Variants in LRRTM4 observed in about 807,000 individuals in gnomAD.
LRRTM4 encodes leucine-rich repeat transmembrane neuronal protein 4.
A neutral mutation model predicts 47.6 loss-of-function variants in LRRTM4; 25 were observed. That is an observed-to-expected ratio of 0.53 (90% CI 0.38 to 0.73). LRRTM4 has a LOEUF of 0.73. Among genes scored for constraint, LRRTM4 ranks in the 30% least tolerant of loss-of-function variants. The pLI is 0.00. For missense variants in LRRTM4, 638 were observed against 713.4 expected (o/e 0.89, Z 1.20); for synonymous variants, 311 against 269.5 (o/e 1.15, Z -1.51).
In LRRTM4 at chr2:77,046,931, G is replaced by A. The variant is rs573138901; in HGVS notation, c.1552-298015C>T. On this transcript the variant is annotated intron_variant, in intron 3 of 3. Coordinates refer to ENST00000409884, the MANE Select transcript of LRRTM4 (RefSeq NM_001134745.3). ...AAGCAGAAGCCTGATACTTAGAAATGCAACTGTTTTGATTGCTAACTTGTT... is the reference window on the plus strand; with the variant it reads ...AAGCAGAAGCCTGATACTTAGAAATACAACTGTTTTGATTGCTAACTTGTT... Among the ~76,000 whole-genome samples the A allele has an allele frequency of 5.3e-5, 8 of 152,134 alleles. No homozygotes were observed. The South Asian group carries it at 1.7e-3, about 32-fold the overall frequency.
chr2:77,307,000 C>T (rs1677295640), intron 3 of LRRTM4, among the ~76,000 whole-genome samples: 1 of 147,694 alleles, frequency 6.8e-6, no homozygotes, highest in African/African-American at 2.6e-5. Context: ...CCCGGGTTCA[C>T]ACCATTCTCC....
intron 3 of LRRTM4, among the ~76,000 whole-genome samples, chr2:77,418,372 A>T (rs1674730193): frequency 6.6e-6 from 1 of 152,216 alleles, no homozygotes; most frequent in Admixed American, 6.5e-5. Flanking sequence ...TGAGAAAAAT[A>T]ATATGTTTGT....
intron 3 of LRRTM4, among the ~76,000 whole-genome samples, chr2:76,923,339 A>C (rs2103813736): frequency 6.6e-6 from 1 of 152,148 alleles, no homozygotes; most frequent in South Asian, 2.1e-4. Context: ...ATTTGTAGAA[A>C]GTTTGTGAGC....
At chr2:77,276,592 T>C (rs913456590) in intron 3 of LRRTM4, among the ~76,000 whole-genome samples, 1 of 148,766 alleles carries the variant, frequency 6.7e-6, no homozygotes, top group Non-Finnish European at 1.5e-5. Flanking sequence ...TAGTGCTAAA[T>C]AAATATTTGT....
At chr2:76,812,424 C>T (rs1018671953) in intron 3 of LRRTM4, among the ~76,000 whole-genome samples, 5 of 152,108 alleles carry the variant, frequency 3.3e-5, no homozygotes, top group South Asian at 4.1e-4. Flanking sequence ...TGTAATGGCC[C>T]TGGCAGTAAA....
chr2:77,276,972 T>C (rs904983378), intron 3 of LRRTM4, among the ~76,000 whole-genome samples: 1 of 151,636 alleles, frequency 6.6e-6, no homozygotes, highest in Non-Finnish European at 1.5e-5. Context: ...TTATTTCACA[T>C]TGTCCTTGAG....
At chr2:76,884,267 T>C (rs1673010181) in intron 3 of LRRTM4, among the ~76,000 whole-genome samples, 3 of 151,914 alleles carry the variant, frequency 2.0e-5, no homozygotes, top group Admixed American at 1.3e-4. Context: ...GAAGAAAGAG[T>C]CTAAATGAAG....
At chr2:76,780,344 C>G (rs543042998) in intron 3 of LRRTM4, among the ~76,000 whole-genome samples, 2 of 152,302 alleles carry the variant, frequency 1.3e-5, no homozygotes, top group Non-Finnish European at 2.9e-5. Flanking sequence ...TGGATAATCT[C>G]CTGCAGAGTG....
At chr2:77,409,095 G>A (rs1281219789) in intron 3 of LRRTM4, among the ~76,000 whole-genome samples, 1 of 152,112 alleles carries the variant, frequency 6.6e-6, no homozygotes, top group African/African-American at 2.4e-5. Flanking sequence ...CATCACGATA[G>A]TTAATGAGAG....
intron 3 of LRRTM4, among the ~76,000 whole-genome samples, chr2:76,854,097 T>C (rs1404387514): frequency 6.6e-6 from 1 of 152,156 alleles, no homozygotes; most frequent in Non-Finnish European, 1.5e-5. Flanking sequence ...CCTTCTTTCC[T>C]GGCAACGAAT....
chr2:77,444,932 T>TACAC (rs745467847), intron 3 of LRRTM4, among the ~76,000 whole-genome samples: 3,532 of 121,970 alleles, frequency 0.029, 113 homozygotes, highest in African/African-American at 0.058. Context: ...TCCTTTATTT[T>TACAC]ACACACACAC....
At chr2:77,283,162 A>T (rs917770920) in intron 3 of LRRTM4, among the ~76,000 whole-genome samples, 2 of 151,866 alleles carry the variant, frequency 1.3e-5, no homozygotes, top group Non-Finnish European at 2.9e-5. Flanking sequence ...TTAAAAATGG[A>T]CAAAATACAT....
At chr2:77,414,256 T>TA (rs1433938873) in intron 3 of LRRTM4, among the ~76,000 whole-genome samples, 1 of 152,142 alleles carries the variant, frequency 6.6e-6, no homozygotes, top group Non-Finnish European at 1.5e-5. Flanking sequence ...TAGTAGGCTC[T>TA]ATATTAAGAG....
At chr2:76,818,732 C>G (rs889030985) in intron 3 of LRRTM4, among the ~76,000 whole-genome samples, 16 of 151,638 alleles carry the variant, frequency 1.1e-4, no homozygotes, top group African/African-American at 3.6e-4. Flanking sequence ...CATGCAGACA[C>G]ATGCACACAA....
intron 3 of LRRTM4, among the ~76,000 whole-genome samples, chr2:77,114,077 C>A (rs1022124657): frequency 6.6e-6 from 1 of 151,966 alleles, no homozygotes; most frequent in South Asian, 2.1e-4. Context: ...ATAACGAAGG[C>A]CCCGTGGGAG....
At chr2:77,217,218 T>C (rs1573090788) in intron 3 of LRRTM4, among the ~76,000 whole-genome samples, 1 of 151,486 alleles carries the variant, frequency 6.6e-6, no homozygotes, top group East Asian at 1.9e-4. Context: ...GACAACCATT[T>C]TATCCTTTTG....
At chr2:77,338,054 A>G (rs142819184) in intron 3 of LRRTM4, among the ~76,000 whole-genome samples, 2,353 of 152,254 alleles carry the variant, frequency 0.015, 67 homozygotes, top group African/African-American at 0.054. Context: ...GAAGATTGAA[A>G]GTGAAACCTT....
intron 3 of LRRTM4, among the ~76,000 whole-genome samples, chr2:77,507,573 A>G (rs1454369270): frequency 6.6e-6 from 1 of 152,142 alleles, no homozygotes; most frequent in African/African-American, 2.4e-5. Context: ...TTATATTTAA[A>G]TTTTAAATTC....
intron 3 of LRRTM4, among the ~76,000 whole-genome samples, chr2:76,900,512 C>T (rs1459329866): frequency 6.6e-6 from 1 of 151,764 alleles, no homozygotes; most frequent in Non-Finnish European, 1.5e-5. Context: ...TTTGGTCTTT[C>T]TTGTGTGCCA....
Sources: gnomAD v4.1 joint callset for allele counts (sites outside exome capture counted in the v4.1 genomes callset) on GRCh38, gnomAD v4.1.1 for gene constraint, MANE v1.5 for transcripts, NCBI Gene and HGNC (gene_info 2026-07-23, HGNC 2026-07-21) for gene names.